Variants in LGR6 observed in about 807,000 individuals in gnomAD.
LGR6 encodes the protein leucine-rich repeat-containing G protein-coupled receptor 6.
In LGR6, 45 loss-of-function variants were observed where a neutral mutation model predicts 69.4. The ratio of observed to expected loss-of-function variants is 0.65; its 90% CI spans 0.51 to 0.83. The LOEUF (loss-of-function observed/expected upper bound fraction) is 0.83. Ranked by LOEUF, LGR6 falls within the 40% of genes least tolerant of loss-of-function variation. The probability of loss-of-function intolerance (pLI) is 0.00; values close to 1 mark genes in which losing one functional copy is unlikely to be tolerated. For missense variants in LGR6, 1,108 were observed against 1,246.7 expected, an observed-to-expected ratio of 0.89 and a Z score of 1.68; for synonymous variants, 538 against 555.0, an observed-to-expected ratio of 0.97 and a Z score of 0.43.
At chr1:202,197,526 A>G (rs947097237) in intron 1 of LGR6, 18 of 518,046 alleles carry the variant, frequency 3.5e-5, no homozygotes, top group African/African-American at 3.1e-4. Flanking sequence ...ATAGACCAAG[A>G]GGGAGATGGA....
intron 1 of LGR6, among the ~76,000 whole-genome samples, chr1:202,222,550 C>T (rs1165777043): frequency 6.6e-6 from 1 of 152,162 alleles, no homozygotes; most frequent in Admixed American, 6.5e-5. Flanking sequence ...CGAGACACAT[C>T]CAGAAATGCA....
At chr1:202,250,399 TTTA>T (rs965976809) in intron 4 of LGR6, among the ~76,000 whole-genome samples, 4 of 150,920 alleles carry the variant, frequency 2.7e-5, no homozygotes, top group African/African-American at 9.7e-5. Flanking sequence ...ATTTTTATTA[TTTA>T]TTATTATTAT....
chr1:202,231,467 A>G (rs553361367), intron 3 of LGR6, among the ~76,000 whole-genome samples: 75 of 152,320 alleles, frequency 4.9e-4, no homozygotes, highest in African/African-American at 1.8e-3. Context: ...ATGGGATGAC[A>G]GGGAGTGGAT....
chr1:202,297,047 A>C (rs1667212305), intron 6 of LGR6, among the ~76,000 whole-genome samples: 1 of 152,200 alleles, frequency 6.6e-6, no homozygotes, highest in Admixed American at 6.5e-5. Flanking sequence ...AAGAGAAGAA[A>C]CACTCCCCAT....
chr1:202,229,922 C>G (rs889106287), intron 3 of LGR6, among the ~76,000 whole-genome samples: 3 of 152,186 alleles, frequency 2.0e-5, no homozygotes, highest in African/African-American at 7.2e-5. Context: ...ATCCTAGGCA[C>G]GAATTACTTT....
chr1:202,260,366 C>T (rs995121950), intron 4 of LGR6, among the ~76,000 whole-genome samples: 11 of 152,082 alleles, frequency 7.2e-5, no homozygotes, highest in African/African-American at 2.7e-4. Flanking sequence ...CAGAGTCTCG[C>T]TCTGTCGCCC....
intron 1 of LGR6, among the ~76,000 whole-genome samples, chr1:202,203,282 G>A (rs1489343410): frequency 6.6e-6 from 1 of 152,156 alleles, no homozygotes; most frequent in Non-Finnish European, 1.5e-5. Flanking sequence ...CCTATAGGAA[G>A]GAAGCCTTCC....
At chr1:202,317,347 T>G (rs1023100535) in intron 17 of LGR6, among the ~76,000 whole-genome samples, 1 of 151,828 alleles carries the variant, frequency 6.6e-6, no homozygotes, top group Non-Finnish European at 1.5e-5. Flanking sequence ...TTGTTTTTTT[T>G]TTGTTTTTTT....
chr1:202,312,186 C>T (rs1273316899), intron 16 of LGR6, among the ~76,000 whole-genome samples: 2 of 152,216 alleles, frequency 1.3e-5, no homozygotes, highest in African/African-American at 4.8e-5. Context: ...TAATGAGCCT[C>T]GAGAAGGAAA....
intron 1 of LGR6, among the ~76,000 whole-genome samples, chr1:202,210,996 C>G (rs1659442807): frequency 6.6e-6 from 1 of 152,190 alleles, no homozygotes; most frequent in Non-Finnish European, 1.5e-5. Flanking sequence ...CAAGCATAGG[C>G]TGGTTGTGGG....
chr1:202,289,519 T>C (rs1246331452), intron 6 of LGR6, among the ~76,000 whole-genome samples: 2 of 152,154 alleles, frequency 1.3e-5, no homozygotes, highest in Non-Finnish European at 2.9e-5. Flanking sequence ...AGATTCTGAA[T>C]TTTCTCTCTG....
chr1:202,262,192 T>G (rs1271999552), intron 4 of LGR6, among the ~76,000 whole-genome samples: 2 of 151,444 alleles, frequency 1.3e-5, no homozygotes, highest in Non-Finnish European at 3.0e-5. Flanking sequence ...TGCCTAGGTT[T>G]TCTTCTAGGG....
chr1:202,301,026 G>A, intron 8 of LGR6, 106 bp downstream of exon 8: 1 of 1,293,970 alleles, frequency 7.7e-7, no homozygotes, highest in Non-Finnish European at 1.1e-6. Context: ...CAGGGAGGCA[G>A]AAGTATGGGA....
chr1:202,300,559 G>A (rs1231027694), intron 7 of LGR6, among the ~76,000 whole-genome samples: 4 of 151,982 alleles, frequency 2.6e-5, no homozygotes, highest in Non-Finnish European at 5.9e-5. Context: ...GGAGGCTGAG[G>A]CAGGAGAATC....
chr1:202,308,815 G>T (rs926219494), intron 14 of LGR6, among the ~76,000 whole-genome samples: 1 of 152,184 alleles, frequency 6.6e-6, no homozygotes, highest in African/African-American at 2.4e-5. Context: ...AGTTGGCACC[G>T]TTATGTATTG....
At chr1:202,229,926 T>G (rs1412698429) in intron 3 of LGR6, among the ~76,000 whole-genome samples, 1 of 152,208 alleles carries the variant, frequency 6.6e-6, no homozygotes, top group Non-Finnish European at 1.5e-5. Flanking sequence ...TAGGCACGAA[T>G]TACTTTCTGA....
intron 3 of LGR6, among the ~76,000 whole-genome samples, chr1:202,235,689 C>T (rs1490072177): frequency 6.6e-6 from 1 of 152,150 alleles, no homozygotes; most frequent in East Asian, 1.9e-4. Context: ...CTGAGATGCT[C>T]TCCCTGAACA....
At chr1:202,278,657 G>C (rs1665774046) in intron 5 of LGR6, among the ~76,000 whole-genome samples, 1 of 152,152 alleles carries the variant, frequency 6.6e-6, no homozygotes, top group Non-Finnish European at 1.5e-5. Context: ...GGGACTACAG[G>C]ATGAGCTGTA....
At chr1:202,201,343 G>A (rs1165479360) in intron 1 of LGR6, among the ~76,000 whole-genome samples, 1 of 152,198 alleles carries the variant, frequency 6.6e-6, no homozygotes, top group African/African-American at 2.4e-5. Flanking sequence ...TCACCCTGAT[G>A]TCTCTTCCTT....
Sources: allele counts gnomAD v4.1 joint callset (sites outside exome capture counted in the v4.1 genomes callset), GRCh38; gene constraint gnomAD v4.1.1; transcripts MANE v1.5; gene names NCBI Gene and HGNC (gene_info 2026-07-23, HGNC 2026-07-21).